Variants in PSD observed in about 807,000 individuals in gnomAD.
PSD encodes the protein pleckstrin and Sec7 domain containing, also known as PH and SEC7 domain-containing protein 1.
Under a neutral mutation model 91.6 loss-of-function variants are expected in PSD, and 32 were observed. The observed-to-expected ratio is 0.35, with a 90% CI of 0.26 to 0.47. PSD has a LOEUF of 0.47. Among genes scored for constraint, PSD ranks in the 20% least tolerant of loss-of-function variants. The probability of loss-of-function intolerance (pLI) is 1.00; values close to 1 mark genes in which losing one functional copy is unlikely to be tolerated. For synonymous variants in PSD, 532 were observed against 569.3 expected (o/e 0.93, Z 0.93); for missense variants, 1,099 against 1,373.9 (o/e 0.80, Z 3.16).
chr10:102,412,021 C>T, intron 7 of PSD, 126 bp downstream of exon 7: 1 of 1,176,192 alleles, frequency 8.5e-7, no homozygotes, highest in South Asian at 1.3e-5. Flanking sequence ...TGGCCATGCC[C>T]AGCCATCTTG....
At chr10:102,407,126 T>G in intron 11 of PSD, 97 bp downstream of exon 11, 2 of 867,302 alleles carry the variant, frequency 2.3e-6, no homozygotes, top group Non-Finnish European at 3.4e-6. Flanking sequence ...TCCCCTCCCC[T>G]ACCCCCACCC....
intron 9 of PSD, 43 bp downstream of exon 9, chr10:102,411,015 C>T (rs1192513736): frequency 6.2e-7 from 1 of 1,613,306 alleles, no homozygotes; most frequent in Non-Finnish European, 8.5e-7. Flanking sequence ...CATGTCTGGC[C>T]AGGGGTTTGT....
chr10:102,411,137 A>G, intron 8 of PSD, 21 bp from the exon 9 acceptor site: 1 of 1,592,276 alleles, frequency 6.3e-7, no homozygotes, highest in Non-Finnish European at 8.6e-7. Context: ...GCTGACTTTC[A>G]GCCTTGGCTG....
In PSD at chr10:102,403,094, C is replaced by T; in HGVS notation, c.*106G>A. 1 of 967,462 alleles carries T rather than the reference C, an allele frequency of 1.0e-6. No homozygotes were observed. Among genetic ancestry groups the T allele is most frequent in the South Asian group, 2.0e-5 (1 of 50,348 alleles). 59.9% of individuals were successfully genotyped at this position (967,462 alleles called of 1,614,324 possible). A position where few individuals can be genotyped will look rare whatever the true frequency, so the allele number is the denominator to read the frequency against. ...GACACCGCGTCCGGCGCGGTCGGGC[C>T]CTAGGCCGGGAGGCCCTCGTGGGTG... On this transcript the variant is annotated 3_prime_UTR_variant, in exon 17 of 17. Transcript: ENST00000020673. This position sits in a 1 kb window ranked among gnomAD's most constrained non-coding sequence, Gnocchi z 6.7.
Position 102,413,019 on chromosome 10 carries a change from C to T in PSD, c.1554-444G>A, listed in dbSNP as rs2061439609. On this transcript the variant is annotated intron_variant, in intron 5 of 16. Transcript: ENST00000020673. ...CAGGGATACTGGTCCGAAGGCTTTC[C>T]CCCTCCTGCTTTTTAGGGAGAGGAA... is the stretch of plus-strand genomic sequence containing the variant. 1.3e-5 allele frequency among the ~76,000 whole-genome samples: 2 copies of T among 152,316 alleles called. 1 individual carries two copies. Among genetic ancestry groups the T allele is most frequent in the South Asian group, 4.2e-4 (2 of 4,818 alleles).
rs560743425 is a variant in PSD, at chr10:102,404,415, G to A, written c.2700+168C>T. The stretch of plus-strand genomic sequence containing the variant: ...AAGCACTATGTTTGGGTTCCCAGCC[G>A]GCAAGCGGGACCCAGTGGGGGCTGG... On this transcript the variant is annotated intron_variant, in intron 15 of 16. Transcript: ENST00000020673. This position sits in a 1 kb window ranked among gnomAD's most constrained non-coding sequence, Gnocchi z 5.7. Among the ~76,000 whole-genome samples the A allele has an allele frequency of 1.3e-5, 2 of 151,968 alleles. No homozygotes were observed. Among genetic ancestry groups the A allele is most frequent in the South Asian group, 2.1e-4 (1 of 4,812 alleles).
At chr10:102,407,181 C>G in intron 11 of PSD, 42 bp downstream of exon 11, 2 of 1,576,710 alleles carry the variant, frequency 1.3e-6, no homozygotes, top group Non-Finnish European at 1.7e-6. Context: ...AGCCCCTTCC[C>G]CATGCCCCAT....
At chr10:102,408,829 C>T in intron 10 of PSD, 13 of 965,626 alleles carry the variant, frequency 1.3e-5, no homozygotes, top group Non-Finnish European at 1.6e-5. Flanking sequence ...GCCCTCGGTG[C>T]CTCCCACAAG....
Position 102,409,043 on chromosome 10 carries a change from C to A in PSD, c.2092-1777G>T, listed in dbSNP as rs2061396380. On this transcript the variant is annotated intron_variant, in intron 10 of 16. Transcript: ENST00000020673. This position sits in a 1 kb window ranked among gnomAD's most constrained non-coding sequence, Gnocchi z 5.7. ...CCCGTAGCGCACGGAGCACAGCGAG[C>A]GCGAGCGCAGCCGCCCGGCGCTGCT... 2.0e-6 allele frequency: 2 copies of A among 986,254 alleles called. No homozygotes were observed. Among genetic ancestry groups the A allele is most frequent in the Non-Finnish European group, 2.4e-6 (2 of 829,996 alleles). 61.1% of individuals were successfully genotyped at this position (986,254 alleles called of 1,614,324 possible). A position where few individuals can be genotyped will look rare whatever the true frequency, so the allele number is the denominator to read the frequency against.
Position 102,416,623 on chromosome 10 carries a change from G to A in PSD, c.416C>T (p.Pro139Leu), listed in dbSNP as rs1589894699. The change falls in exon 2 of 17, where the codon CCA becomes CTA. Residue 139 changes from proline to leucine, a missense_variant. By Grantham distance (98) the Pro-to-Leu change is moderately conservative. Coordinates refer to ENST00000020673, the MANE Select transcript of PSD (RefSeq NM_002779.5). This position sits in a 1 kb window ranked among gnomAD's most constrained non-coding sequence, Gnocchi z 6.0. ...CCGGTTGGAGCCAGGCCCAAGGGCT[G>A]GGGTGGGCCTGGGAGGAGAAACCCC... ...LGGVSPPRPT[P>L]ALGPGSNRKL... 1.2e-6 allele frequency: 2 copies of A among 1,605,248 alleles called. No homozygotes were observed. Among genetic ancestry groups the A allele is most frequent in the Non-Finnish European group, 1.7e-6 (2 of 1,175,850 alleles).
At chr10:102,406,952 C>G (rs1360729648) in intron 11 of PSD, among the ~76,000 whole-genome samples, 1 of 152,182 alleles carries the variant, frequency 6.6e-6, no homozygotes, top group Admixed American at 6.5e-5. Flanking sequence ...CTTTCCCACT[C>G]AGGTTGCCAG....
rs1162518732 is a variant in PSD at position 102,412,131 on chromosome 10, A to G, written c.1829+16T>C. ...CCCGGAGAGTGGGGGCTGTCCTCCA[A>G]GGGGTCAACACCCACCTGAGAGCTT... is the stretch of plus-strand genomic sequence containing the variant. On this transcript the variant is annotated intron_variant, in intron 7 of 16. Transcript: ENST00000020673. 6.2e-7 allele frequency: 1 copy of G among 1,612,250 alleles called. No individual in the cohort carries two copies. Among genetic ancestry groups the G allele is most frequent in the South Asian group, 1.1e-5 (1 of 91,036 alleles).
At chr10:102,417,723 T>C (rs971001189) in intron 1 of PSD, among the ~76,000 whole-genome samples, 11 of 151,130 alleles carry the variant, frequency 7.3e-5, no homozygotes, top group Non-Finnish European at 1.2e-4. Context: ...TTTTTTTTTT[T>C]TTGAGATGGA....
In PSD at chr10:102,403,650, C is replaced by T. The variant is rs759027640; in HGVS notation, c.2844+192G>A. Among the ~76,000 whole-genome samples the T allele has an allele frequency of 6.6e-5, 10 of 152,176 alleles. No individual in the cohort carries two copies. The highest frequency in any genetic ancestry group is 2.2e-4 in the African/African-American group (9 of 41,450). ...CTTTACTAGAGCTGGGGAAATGGCA[C>T]GCTTGAGACATGCCTCACCTCGAGA... On this transcript the variant is annotated intron_variant, in intron 16 of 16. Transcript: ENST00000020673. The surrounding 1 kb of genome is among the most constrained non-coding windows in gnomAD (Gnocchi z 6.7).
chr10:102,416,872 C>G lies in PSD; in HGVS notation c.167G>C (p.Arg56Pro). The G allele has an allele frequency of 6.2e-7, 1 of 1,600,092 alleles. No homozygotes were observed. Among genetic ancestry groups the G allele is most frequent in the Non-Finnish European group, 8.5e-7 (1 of 1,174,598 alleles). Reference sequence around the variant, plus strand: ...TGTCACACGTCCCAGTTCCCGGCCTCGAGGACCTGGACCTGCCACTCGCCG... The same window carrying G: ...TGTCACACGTCCCAGTTCCCGGCCTGGAGGACCTGGACCTGCCACTCGCCG... ...LLRRVAGPGP[R>P]GRELGRVTAP... is the part of the protein sequence containing the mutation. Residue 56 changes from arginine to proline, a missense_variant, in exon 2 of 17, where the codon CGA (arginine) becomes CCA (proline). By Grantham distance (103) the Arg-to-Pro change is moderately radical (BLOSUM62 -2). Coordinates refer to ENST00000020673, the MANE Select transcript of PSD (RefSeq NM_002779.5). This position sits in a 1 kb window ranked among gnomAD's most constrained non-coding sequence, Gnocchi z 6.0.
At position 102,405,660 on chromosome 10, in the gene PSD, GT is replaced by G. The variant is rs1395267404; in HGVS notation, c.2136-125del. 4.3e-5 allele frequency: 36 copies of G among 828,658 alleles called. No homozygotes were observed. In the East Asian group the frequency reaches 9.1e-4, roughly 21 times the overall value. 51.3% of individuals were successfully genotyped at this position (828,658 alleles called of 1,614,324 possible). ...GTGGCTTGGGGGGCTCAACCTGAGGGTCCTGCCATGTCTCCCGTCTCAGATC... is the reference window on the plus strand; with the variant it reads ...GTGGCTTGGGGGGCTCAACCTGAGGGCCTGCCATGTCTCCCGTCTCAGATC... On this transcript the variant is annotated intron_variant, in intron 11 of 16. Coordinates refer to ENST00000020673, the MANE Select transcript of PSD (RefSeq NM_002779.5). The surrounding 1 kb of genome is among the most constrained non-coding windows in gnomAD (Gnocchi z 5.4).
chr10:102,416,064 C>G lies in PSD; in HGVS notation c.710G>C (p.Arg237Thr), dbSNP rs1028206661. The part of the protein sequence containing the change: ...EVSSHAQRIA[R>T]AKWEFFYGSL... The stretch of plus-strand genomic sequence containing the variant: ...GCCATAGAAGAATTCCCATTTGGCT[C>G]TAGCGATTCTCTGGGCATGAGAGGA... The change falls in exon 3 of 17, where the codon AGA becomes ACA. Residue 237 changes from arginine (R) to threonine (T), a missense_variant. Arg to Thr is a moderately conservative substitution (Grantham distance 71). Coordinates refer to ENST00000020673, the MANE Select transcript of PSD (RefSeq NM_002779.5). This position sits in a 1 kb window ranked among gnomAD's most constrained non-coding sequence, Gnocchi z 6.0. 1 of 1,613,930 alleles carries G rather than the reference C, an allele frequency of 6.2e-7. No individual in the cohort carries two copies. The highest frequency in any genetic ancestry group is 2.2e-5 in the East Asian group (1 of 44,880).
intron 6 of PSD, 50 bp from the exon 7 acceptor site, chr10:102,412,277 G>T: frequency 6.2e-7 from 1 of 1,610,454 alleles, no homozygotes; most frequent in Non-Finnish European, 8.5e-7. Context: ...AAGTGCAGGG[G>T]GTCAGGTGGG....
At position 102,416,259 on chromosome 10, in the gene PSD, AAG is replaced by A; in HGVS notation, c.654+124_654+125del. ...AGACACAGAGACAAACACAGAGGGC[AAG>A]AGAGAGGCAGATTTAGAACAGATTA... On this transcript the variant is annotated intron_variant, in intron 2 of 16. Transcript: ENST00000020673. This position sits in a 1 kb window ranked among gnomAD's most constrained non-coding sequence, Gnocchi z 6.0. The A allele has an allele frequency of 7.8e-7, 1 of 1,282,766 alleles. No individual in the cohort carries two copies. Among genetic ancestry groups the A allele is most frequent in the Non-Finnish European group, 1.1e-6 (1 of 920,208 alleles). 79.5% of individuals were successfully genotyped at this position (1,282,766 alleles called of 1,614,324 possible).
Sources: allele counts gnomAD v4.1 joint callset (sites outside exome capture counted in the v4.1 genomes callset), GRCh38; gene constraint gnomAD v4.1.1; non-coding constraint Gnocchi (gnomAD v3.1); transcripts MANE v1.5; gene names NCBI Gene and HGNC (gene_info 2026-07-23, HGNC 2026-07-21).